The following TMEM132E variants were observed in gnomAD, a reference collection of about 807,000 sequenced individuals.
The protein encoded by TMEM132E is transmembrane protein 132E.
A neutral mutation model predicts 78.5 loss-of-function variants in TMEM132E; 49 were observed. The ratio of observed to expected loss-of-function variants is 0.62; its 90% CI spans 0.50 to 0.79. The LOEUF is 0.79. Ranked by LOEUF, TMEM132E falls within the 30% of genes least tolerant of loss-of-function variation. TMEM132E has a pLI of 0.00. For missense variants in TMEM132E, 1,403 were observed against 1,470.9 expected (o/e 0.95, Z 0.75); for synonymous variants, 715 against 670.6 (o/e 1.07, Z -1.02).
In TMEM132E at chr17:34,627,022, G is replaced by T. The variant is rs1357030684; in HGVS notation, c.963G>T (p.Ser321=). Residue 321 remains serine, a synonymous_variant, in exon 2 of 9, where the codon TCG becomes TCT. Coordinates refer to ENST00000631683, the MANE Select transcript of TMEM132E (RefSeq NM_001304438.2). ...TCTATCTGGCCCCCAACTCCTCCTC[G>T]CCCTCCAGCCCCAGCGTGGAGCACT... ...ILLYLAPNSS[S]PSSPSVEHFT... The T allele has an allele frequency of 2.5e-6, 4 of 1,613,362 alleles. No individual in the cohort carries two copies. The highest frequency in any genetic ancestry group is 3.4e-6 in the Non-Finnish European group (4 of 1,179,872).
rs1441720733 is a variant in TMEM132E at position 34,637,182 on chromosome 17, C to T, written c.2175C>T (p.Ala725=). The T allele has an allele frequency of 1.3e-6, 2 of 1,597,278 alleles. No homozygotes were observed. The stretch of plus-strand genomic sequence containing the variant: ...TCCTTCTCCTTCTCCTCCAGGAAGC[C>T]CTACTGAGCCTCTGGCTCTCCTACA... ...QQTLSFLKQE[A]LLSLWLSYSD... is the part of the protein sequence containing the mutation. Residue 725 remains alanine (A), a synonymous_variant, in exon 9 of 9, where the codon GCC becomes GCT. Coordinates refer to ENST00000631683, the MANE Select transcript of TMEM132E (RefSeq NM_001304438.2).
Position 34,615,178 on chromosome 17 carries a change from G to A in TMEM132E, c.68-10949G>A, listed in dbSNP as rs534685992. Among the ~76,000 whole-genome samples, 48 of 147,760 alleles carry A rather than the reference G, an allele frequency of 3.2e-4. No homozygotes were observed. The South Asian group carries it at 9.5e-3, about 29-fold the overall frequency. On this transcript the variant is annotated intron_variant, in intron 1 of 8. Coordinates refer to ENST00000631683, the MANE Select transcript of TMEM132E (RefSeq NM_001304438.2). ...AGCAGGACTAGGAGGCCAGTTCAGG[G>A]GCTGTCCTGGTGGCAGCTTCTTGGG...
At position 34,580,796 on chromosome 17, in the gene TMEM132E, C is replaced by A. The variant is rs973169837; in HGVS notation, c.-281C>A. 8 of 378,650 alleles carry A rather than the reference C, an allele frequency of 2.1e-5. No individual in the cohort carries two copies. In the South Asian group the frequency reaches 2.4e-4, roughly 11 times the overall value. 23.5% of individuals were successfully genotyped at this position (378,650 alleles called of 1,614,324 possible). A position where few individuals can be genotyped will look rare whatever the true frequency, so the allele number is the denominator to read the frequency against. On this transcript the variant is annotated 5_prime_UTR_variant, in exon 1 of 9. Coordinates refer to ENST00000631683, the MANE Select transcript of TMEM132E (RefSeq NM_001304438.2). ...CGGGCTCCGGACTGCACGTGCAGCT[C>A]CCCCCGCGCCTCGCAGATCCTGCAG...
In TMEM132E at chr17:34,638,622, T is replaced by TC; in HGVS notation, c.*395dup. ...GGCCCGCCTCCCGTCCCCCGTGTCG[T>TC]CCCCCTGTGCAGGGGGTTCTGTGGG... On this transcript the variant is annotated 3_prime_UTR_variant, in exon 9 of 9. Transcript: ENST00000631683. 1 of 194,178 alleles carries TC rather than the reference T, an allele frequency of 5.1e-6. No individual in the cohort carries two copies. 12.0% of individuals were successfully genotyped at this position (194,178 alleles called of 1,614,324 possible). A position where few individuals can be genotyped will look rare whatever the true frequency, so the allele number is the denominator to read the frequency against.
At chr17:34,595,559 G>A (rs1906027775) in intron 1 of TMEM132E, among the ~76,000 whole-genome samples, 1 of 152,202 alleles carries the variant, frequency 6.6e-6, no homozygotes, top group Non-Finnish European at 1.5e-5. Flanking sequence ...ACAATGAGGT[G>A]TGATCCTTAA....
intron 5 of TMEM132E, among the ~76,000 whole-genome samples, chr17:34,630,582 G>C (rs778836663): frequency 6.6e-6 from 1 of 152,156 alleles, no homozygotes; most frequent in Non-Finnish European, 1.5e-5. Context: ...AGCAGGGGGT[G>C]GGTGAGGGAG....
At chr17:34,585,217 C>A (rs781610272) in intron 1 of TMEM132E, among the ~76,000 whole-genome samples, 1 of 152,210 alleles carries the variant, frequency 6.6e-6, no homozygotes, top group Non-Finnish European at 1.5e-5. Flanking sequence ...TTATTGGAAT[C>A]CATTCTGAGG....
intron 1 of TMEM132E, among the ~76,000 whole-genome samples, chr17:34,623,008 G>T (rs77086905): frequency 3.9e-5 from 6 of 152,094 alleles, no homozygotes; most frequent in Admixed American, 6.6e-5. Flanking sequence ...AGAAAAGAGA[G>T]GGGGAGAGAA....
chr17:34,602,850 A>T (rs1049356092), intron 1 of TMEM132E, among the ~76,000 whole-genome samples: 3 of 152,168 alleles, frequency 2.0e-5, no homozygotes, highest in Admixed American at 2.0e-4. Context: ...GGCCAGGACC[A>T]TTGGCGCCAA....
rs946545688 is a variant in TMEM132E at position 34,581,105 on chromosome 17, G to C, written c.29G>C (p.Gly10Ala). The change falls in exon 1 of 9, where the codon GGC becomes GCC. Residue 10 changes from glycine to alanine, a missense_variant. Physicochemically the swap from Gly to Ala is moderately conservative, Grantham distance 60 (BLOSUM62 0). Coordinates refer to ENST00000631683, the MANE Select transcript of TMEM132E (RefSeq NM_001304438.2). MAPGMSGRG[G>A]AALLCLSALL... ...GCCCCGGGGATGTCGGGCCGCGGCGGCGCCGCCCTGCTCTGCCTCTCAGCG... is the reference window on the plus strand; with the variant it reads ...GCCCCGGGGATGTCGGGCCGCGGCGCCGCCGCCCTGCTCTGCCTCTCAGCG... 2.0e-6 allele frequency: 3 copies of C among 1,537,550 alleles called. No individual in the cohort carries two copies. The highest frequency in any genetic ancestry group is 2.6e-6 in the Non-Finnish European group (3 of 1,147,984).
At position 34,638,377 on chromosome 17, in the gene TMEM132E, C is replaced by A. The variant is rs1233641673; in HGVS notation, c.*145C>A. ...CCCTGCAGCTTGGCTCCGTGCGGAG[C>A]GGGCCGCCTCAGTGTCTGGGCCTTC... is the stretch of plus-strand genomic sequence containing the variant. On this transcript the variant is annotated 3_prime_UTR_variant, in exon 9 of 9. Coordinates refer to ENST00000631683, the MANE Select transcript of TMEM132E (RefSeq NM_001304438.2). 2.1e-5 allele frequency: 19 copies of A among 908,430 alleles called. No individual in the cohort carries two copies. The African/African-American group carries it at 2.5e-4, about 12-fold the overall frequency. 56.3% of individuals were successfully genotyped at this position (908,430 alleles called of 1,614,324 possible).
intron 1 of TMEM132E, among the ~76,000 whole-genome samples, chr17:34,591,547 G>A (rs1220268419): frequency 6.6e-6 from 1 of 152,234 alleles, no homozygotes; most frequent in Non-Finnish European, 1.5e-5. Flanking sequence ...CTAGCCTCAA[G>A]TGATTCTCTG....
chr17:34,637,800 C>G lies in TMEM132E; in HGVS notation c.2793C>G (p.His931Gln), dbSNP rs1192210006. Residue 931 changes from histidine (H) to glutamine (Q), a missense_variant, in exon 9 of 9, where the codon CAC (histidine) becomes CAG (glutamine). Coordinates refer to ENST00000631683, the MANE Select transcript of TMEM132E (RefSeq NM_001304438.2). Reference sequence around the variant, plus strand: ...CCGAGGGCCAGACCAGCATGGACCACTCTCACCACTGGGTGTTCCTGGGCA... The same window carrying G: ...CCGAGGGCCAGACCAGCATGGACCAGTCTCACCACTGGGTGTTCCTGGGCA... ...IPPEGQTSMD[H>Q]SHHWVFLGNG... The G allele has an allele frequency of 6.2e-7, 1 of 1,613,236 alleles. No homozygotes were observed. The highest frequency in any genetic ancestry group is 8.5e-7 in the Non-Finnish European group (1 of 1,179,932).
At chr17:34,615,263 A>G (rs1306300799) in intron 1 of TMEM132E, among the ~76,000 whole-genome samples, 1 of 152,084 alleles carries the variant, frequency 6.6e-6, no homozygotes, top group East Asian at 1.9e-4. Context: ...CAGGAAGCAG[A>G]CCTAGCCCCC....
chr17:34,614,664 C>T (rs985269277), intron 1 of TMEM132E: 2 of 152,330 alleles, frequency 1.3e-5, no homozygotes, highest in African/African-American at 4.8e-5. Context: ...GAGCTTCTGT[C>T]CCCTACATCT....
chr17:34,589,639 C>A (rs1237969104), intron 1 of TMEM132E, among the ~76,000 whole-genome samples: 1 of 152,118 alleles, frequency 6.6e-6, no homozygotes, highest in Non-Finnish European at 1.5e-5. Flanking sequence ...TCTTCTGAGT[C>A]CCTGAGCACC....
intron 1 of TMEM132E, among the ~76,000 whole-genome samples, chr17:34,601,052 A>G (rs1361260267): frequency 6.6e-6 from 1 of 152,202 alleles, no homozygotes; most frequent in East Asian, 1.9e-4. Context: ...CTGCCTTCTC[A>G]CAGTGTGAAA....
rs1555564425 is a variant in TMEM132E, at chr17:34,627,473, T to TATGTGCGTGCGCGCACGCGCGCGC, written c.998+416_998+417insATGTGCGTGCGCGCACGCGCGCGC. On this transcript the variant is annotated intron_variant, in intron 2 of 8. Coordinates refer to ENST00000631683, the MANE Select transcript of TMEM132E (RefSeq NM_001304438.2). ...GGCTGGGAGCCAAAAGAATCGTGTG[T>TATGTGCGTGCGCGCACGCGCGCGC]GTGTGTGTGTGTGTGTGTGTGTGTG... Among the ~76,000 whole-genome samples, 9 of 133,088 alleles carry TATGTGCGTGCGCGCACGCGCGCGC rather than the reference T, an allele frequency of 6.8e-5. 1 individual carries two copies. The highest frequency in any genetic ancestry group is 2.2e-4 in the African/African-American group (8 of 36,572). The allele number at this position is 133,088 out of a possible 152,430, so 87.3% of individuals were successfully genotyped here.
chr17:34,636,026 A>C lies in TMEM132E; in HGVS notation c.1997A>C (p.Glu666Ala), dbSNP rs773523236. The C allele has an allele frequency of 9.2e-6, 14 of 1,520,048 alleles. No homozygotes were observed. The highest frequency in any genetic ancestry group is 2.2e-4 in the Middle Eastern group (1 of 4,470). The allele number at this position is 1,520,048 out of a possible 1,614,324, so 94.2% of individuals were successfully genotyped here. A position where few individuals can be genotyped will look rare whatever the true frequency, so the allele number is the denominator to read the frequency against. Residue 666 changes from glutamate to alanine, a missense_variant, in exon 8 of 9, where the codon GAG becomes GCG. Physicochemically the swap from Glu to Ala is moderately radical, Grantham distance 107. Around this residue, in one of 3 missense-constraint regions of TMEM132E, gnomAD observed 888 missense variants for 952.8 expected, o/e 0.93. Transcript: ENST00000631683. ...TPFKVVSPLT[E>A]AVLGETLLTV... ...CCTCAGGTGGTGTCTCCGCTGACGGAGGCTGTGCTCGGGGAGACGCTGCTG... is the reference window on the plus strand; with the variant it reads ...CCTCAGGTGGTGTCTCCGCTGACGGCGGCTGTGCTCGGGGAGACGCTGCTG...
Sources: allele counts gnomAD v4.1 joint callset (sites outside exome capture counted in the v4.1 genomes callset), GRCh38; gene constraint gnomAD v4.1.1; regional missense constraint gnomAD v4.1.1; transcripts MANE v1.5; gene names NCBI Gene and HGNC (gene_info 2026-07-23, HGNC 2026-07-21).